The following DZIP1 variants were observed in gnomAD, a reference collection of about 807,000 sequenced individuals.
The protein encoded by DZIP1 is cilium assembly protein DZIP1.
DZIP1 carries 97 observed loss-of-function variants against 107.6 expected under a neutral mutation model. That is an observed-to-expected ratio of 0.90 (90% CI 0.77 to 1.07). The LOEUF is 1.07. DZIP1 is among the 50% of genes least tolerant of loss of function. DZIP1 has a pLI of 0.00. For missense variants in DZIP1, 1,035 were observed against 1,063.6 expected, an observed-to-expected ratio of 0.97 and a Z score of 0.37; for synonymous variants, 390 against 386.4, an observed-to-expected ratio of 1.01 and a Z score of -0.11.
intron 5 of DZIP1, among the ~76,000 whole-genome samples, chr13:95,634,612 A>G (rs1405842270): frequency 6.6e-6 from 1 of 152,196 alleles, no homozygotes. Flanking sequence ...TTAAGCAAAA[A>G]TCCCATTTGT....
At chr13:95,618,103 G>A in intron 10 of DZIP1, 1 of 508,460 alleles carries the variant, frequency 2.0e-6, no homozygotes, top group Non-Finnish European at 4.0e-6. Context: ...TGTAAACATG[G>A]GCATGATCCA....
intron 20 of DZIP1, among the ~76,000 whole-genome samples, chr13:95,587,200 T>C (rs1451031027): frequency 6.6e-6 from 1 of 152,188 alleles, no homozygotes; most frequent in Non-Finnish European, 1.5e-5. Context: ...AGACCCTCCC[T>C]GGCAGCCCTC....
chr13:95,585,202 C>T (rs1411266554), intron 21 of DZIP1, among the ~76,000 whole-genome samples: 2 of 152,128 alleles, frequency 1.3e-5, no homozygotes, highest in Non-Finnish European at 2.9e-5. Flanking sequence ...CGGTATGAAA[C>T]TCTAAAAGTC....
chr13:95,622,397 G>T lies in DZIP1; in HGVS notation c.1056C>A (p.Asp352Glu), dbSNP rs369489942. The change falls in exon 9 of 23, where the codon GAC becomes GAA. Residue 352 changes from aspartate (D) to glutamate (E), a missense_variant. Physicochemically the swap from Asp to Glu is conservative, Grantham distance 45. Transcript: ENST00000376829. ...TLKDAHEFKEDRSPYPQDFHN... is the reference protein window; with the variant it reads ...TLKDAHEFKEERSPYPQDFHN... ...GGAAATCCTGGGGATATGGAGAACG[G>T]TCTTCTTTAAACTCGTGTGCATCTT... 127 of 1,614,098 alleles carry T rather than the reference G, an allele frequency of 7.9e-5. No individual in the cohort carries two copies. Among genetic ancestry groups the T allele is most frequent in the Non-Finnish European group, 1.0e-4 (123 of 1,180,030 alleles).
intron 7 of DZIP1, among the ~76,000 whole-genome samples, chr13:95,629,202 A>C (rs760270653): frequency 3.9e-5 from 6 of 152,224 alleles, no homozygotes; most frequent in Non-Finnish European, 8.8e-5. Flanking sequence ...ATGCTCTTTG[A>C]TGGCCTTACT....
rs746502658 is a variant in DZIP1 at position 95,619,913 on chromosome 13, T to C, written c.1145A>G (p.His382Arg). Reference sequence around the variant, plus strand: ...ACCCTTCTCTTTCTTGTGTTCTTGATGAATAGCTTGAACTCGAGCTGTCCA... The same window carrying C: ...ACCCTTCTCTTTCTTGTGTTCTTGACGAATAGCTTGAACTCGAGCTGTCCA... ...SKWTARVQAI[H>R]QEHKKEKGRL... The change falls in exon 10 of 23, where the codon CAT (histidine) becomes CGT (arginine). Residue 382 changes from histidine to arginine, a missense_variant. His to Arg is a conservative substitution (Grantham distance 29, BLOSUM62 0). Transcript: ENST00000376829. 15 of 1,613,966 alleles carry C rather than the reference T, an allele frequency of 9.3e-6. No individual in the cohort carries two copies. The highest frequency in any genetic ancestry group is 2.2e-5 in the East Asian group (1 of 44,876).
At chr13:95,625,078 G>A (rs1471645371) in intron 7 of DZIP1, 149 bp from the exon 8 acceptor site, 1 of 721,974 alleles carries the variant, frequency 1.4e-6, no homozygotes, top group Non-Finnish European at 2.2e-6. Context: ...TATCATGGCA[G>A]GTCTGTGCAC....
At chr13:95,640,952 C>T (rs566788502) in intron 5 of DZIP1, among the ~76,000 whole-genome samples, 2 of 152,310 alleles carry the variant, frequency 1.3e-5, no homozygotes, top group East Asian at 3.9e-4. Context: ...TTTAAACATT[C>T]TGCATCGTTT....
chr13:95,619,883 A>T lies in DZIP1; in HGVS notation c.1173+2T>A, dbSNP rs760883870. The T allele has an allele frequency of 6.2e-6, 10 of 1,613,688 alleles. No homozygotes were observed. The East Asian group carries it at 2.2e-4, about 36-fold the overall frequency. ...TTTAGGCCACTGGTTTCTTAACCTT[A>T]CCCGACCCTTCTCTTTCTTGTGTTC... On this transcript the variant is annotated splice_donor_variant, in intron 10 of 22. Transcript: ENST00000376829. LOFTEE classifies it high-confidence loss of function.
At chr13:95,594,954 G>A (rs1205976936) in intron 15 of DZIP1, among the ~76,000 whole-genome samples, 1 of 152,094 alleles carries the variant, frequency 6.6e-6, no homozygotes, top group Admixed American at 6.5e-5. Flanking sequence ...GAGTCCTTAT[G>A]TACAAAGGAA....
Position 95,582,454 on chromosome 13 carries a change from C to T in DZIP1, c.2525-141G>A, listed in dbSNP as rs1452537523. 3 of 723,396 alleles carry T rather than the reference C, an allele frequency of 4.1e-6. No individual in the cohort carries two copies. The African/African-American group carries it at 5.3e-5, about 13-fold the overall frequency. The allele number at this position is 723,396 out of a possible 1,614,324, so 44.8% of individuals were successfully genotyped here. ...GTTCATGAATCCTCATCTCCCAACCCTCATGAGCTATGTATAGGACGCCAC... is the reference window on the plus strand; with the variant it reads ...GTTCATGAATCCTCATCTCCCAACCTTCATGAGCTATGTATAGGACGCCAC... On this transcript the variant is annotated intron_variant, in intron 22 of 22. Coordinates refer to ENST00000376829, the MANE Select transcript of DZIP1 (RefSeq NM_198968.4).
At chr13:95,614,750 C>A (rs1028277876) in intron 10 of DZIP1, among the ~76,000 whole-genome samples, 13 of 152,128 alleles carry the variant, frequency 8.5e-5, no homozygotes, top group Non-Finnish European at 1.8e-4. Context: ...GACAACCTCC[C>A]AAGCTCTCAA....
chr13:95,643,862 G>A (rs1038639753), intron 1 of DZIP1, among the ~76,000 whole-genome samples, 164 bp from the exon 2 acceptor site: 3 of 152,198 alleles, frequency 2.0e-5, no homozygotes, highest in Non-Finnish European at 4.4e-5. Flanking sequence ...ATTAACCCAT[G>A]ATCTGGGCCA....
In DZIP1 at chr13:95,641,473, G is replaced by A. The variant is rs151232719; in HGVS notation, c.419C>T (p.Ser140Leu). 3.7e-6 allele frequency: 6 copies of A among 1,613,972 alleles called. No homozygotes were observed. In the African/African-American group the frequency reaches 5.3e-5, roughly 14 times the overall value. ...YLLHSQEFLTSQLHTLEERLR... is the reference protein window; with the variant it reads ...YLLHSQEFLTLQLHTLEERLR... ...CCGCTCCTCCAGGGTGTGCAGCTGC[G>A]AGGTGAGGAACTCTTGTGAGTGCAG... is the stretch of plus-strand genomic sequence containing the variant. Residue 140 changes from serine (S) to leucine (L), a missense_variant, in exon 5 of 23, where the codon TCG becomes TTG. Ser to Leu is a moderately radical substitution (Grantham distance 145). Coordinates refer to ENST00000376829, the MANE Select transcript of DZIP1 (RefSeq NM_198968.4). This position sits in a 1 kb window ranked among gnomAD's most constrained non-coding sequence, Gnocchi z 4.3.
Position 95,633,754 on chromosome 13 carries a change from AT to A in DZIP1, c.598-434del, listed in dbSNP as rs1439017663. Among the ~76,000 whole-genome samples the A allele has an allele frequency of 4.0e-5, 6 of 151,548 alleles. No individual in the cohort carries two copies. The East Asian group carries it at 1.2e-3, about 30-fold the overall frequency. On this transcript the variant is annotated intron_variant, in intron 5 of 22. Transcript: ENST00000376829. ...GGGCGCTTTCTCGCTGAACGATACC[AT>A]CCTAGCAAGAGATACTGAAAGCATG... is the stretch of plus-strand genomic sequence containing the variant.
At chr13:95,622,301 AAAGG>A in intron 9 of DZIP1, 38 bp downstream of exon 9, 1 of 1,612,848 alleles carries the variant, frequency 6.2e-7, no homozygotes, top group South Asian at 1.1e-5. Flanking sequence ...TCACTAAGAA[AAAGG>A]AAGGCATCCA....
rs769195653 is a variant in DZIP1 at position 95,582,252 on chromosome 13, G to A, written c.2586C>T (p.Ser862=). ...KSSLVTVTDW[S]DTSDV is the part of the protein sequence containing the mutation. ...TGTGGAATTAGACATCTGAAGTGTC[G>A]CTCCAATCAGTCACAGTTACTAAGC... Residue 862 remains serine, a synonymous_variant, in exon 23 of 23, where the codon AGC becomes AGT. Coordinates refer to ENST00000376829, the MANE Select transcript of DZIP1 (RefSeq NM_198968.4). 24 of 1,613,884 alleles carry A rather than the reference G, an allele frequency of 1.5e-5. No homozygotes were observed. The highest frequency in any genetic ancestry group is 6.7e-5 in the African/African-American group (5 of 74,928).
chr13:95,615,636 A>G (rs2139175344), intron 10 of DZIP1, among the ~76,000 whole-genome samples: 1 of 152,330 alleles, frequency 6.6e-6, no homozygotes, highest in African/African-American at 2.4e-5. Context: ...GCATCCAAAG[A>G]AAAGATCCTG....
chr13:95,596,956 C>T (rs1272696822), intron 15 of DZIP1, among the ~76,000 whole-genome samples: 1 of 152,226 alleles, frequency 6.6e-6, no homozygotes, highest in Non-Finnish European at 1.5e-5. Context: ...CTGGTTTCTG[C>T]AGTGGTGCAC....
Sources: gnomAD v4.1 joint callset for allele counts (sites outside exome capture counted in the v4.1 genomes callset) on GRCh38, gnomAD v4.1.1 for gene constraint, Gnocchi (gnomAD v3.1) non-coding constraint, MANE v1.5 for transcripts, NCBI Gene and HGNC (gene_info 2026-07-23, HGNC 2026-07-21) for gene names.